FSD1: variants seen among roughly 807,000 people sequenced by gnomAD.
FSD1 encodes the protein fibronectin type III and SPRY domain containing 1.
Under a neutral mutation model 58.2 loss-of-function variants are expected in FSD1, and 23 were observed. The observed-to-expected ratio is 0.40, with a 90% CI of 0.28 to 0.56. FSD1 has a LOEUF of 0.56. FSD1 is among the 20% of genes least tolerant of loss of function. The probability of loss-of-function intolerance (pLI) is 0.54; values close to 1 mark genes in which losing one functional copy is unlikely to be tolerated. For missense variants in FSD1, 563 were observed against 670.8 expected, an observed-to-expected ratio of 0.84 and a Z score of 1.78; for synonymous variants, 265 against 263.4, an observed-to-expected ratio of 1.01 and a Z score of -0.06.
At chr19:4,320,005 G>A (rs1971796812) in intron 10 of FSD1, among the ~76,000 whole-genome samples, 1 of 152,134 alleles carries the variant, frequency 6.6e-6, no homozygotes, top group African/African-American at 2.4e-5. Flanking sequence ...TCTCAACTCT[G>A]GAGAGAATCT....
intron 1 of FSD1, 36 bp downstream of exon 1, chr19:4,304,797 C>T: frequency 4.4e-6 from 1 of 229,324 alleles, no homozygotes; most frequent in Non-Finnish European, 8.0e-6. Flanking sequence ...CCCGCAGGGG[C>T]GTCGGGGGCG....
rs141304180 is a variant in FSD1 at position 4,323,316 on chromosome 19, G to A, written c.1292-32G>A. On this transcript the variant is annotated intron_variant, in intron 11 of 12. Transcript: ENST00000221856. This position sits in a 1 kb window ranked among gnomAD's most constrained non-coding sequence, Gnocchi z 7.7. The stretch of plus-strand genomic sequence containing the variant: ...GTCTGCCCCCATCCCACTTCTGACC[G>A]GTCCCACTGTCACTCTGCCCCCCGA... 8.7e-6 allele frequency: 14 copies of A among 1,609,504 alleles called. No homozygotes were observed. In the East Asian group the frequency reaches 8.9e-5, roughly 10 times the overall value.
chr19:4,307,511 G>A (rs1971635472), intron 3 of FSD1, among the ~76,000 whole-genome samples: 1 of 152,114 alleles, frequency 6.6e-6, no homozygotes, highest in Admixed American at 6.6e-5. Context: ...GGGATTAGAG[G>A]TGCCCACCAC....
chr19:4,308,086 G>C, intron 4 of FSD1, 103 bp downstream of exon 4: 2 of 877,790 alleles, frequency 2.3e-6, no homozygotes, highest in Non-Finnish European at 3.6e-6. Flanking sequence ...CCACCCATGC[G>C]ATAGTTGGCA....
rs1971782992 is a variant in FSD1, at chr19:4,318,777, C to G, written c.960-95C>G. The G allele has an allele frequency of 3.0e-6, 3 of 997,092 alleles. No homozygotes were observed. In the Admixed American group the frequency reaches 5.2e-5, roughly 17 times the overall value. 61.8% of individuals were successfully genotyped at this position (997,092 alleles called of 1,614,324 possible). A position where few individuals can be genotyped will look rare whatever the true frequency, so the allele number is the denominator to read the frequency against. On this transcript the variant is annotated intron_variant, in intron 9 of 12. Coordinates refer to ENST00000221856, the MANE Select transcript of FSD1 (RefSeq NM_024333.3). Reference sequence around the variant, plus strand: ...ATACTGCCAGAGATTGACCCAACATCCACGGTGGCTGGGGTGGACTAGGGT... The same window carrying G: ...ATACTGCCAGAGATTGACCCAACATGCACGGTGGCTGGGGTGGACTAGGGT...
Position 4,323,062 on chromosome 19 carries a change from C to CGTG in FSD1, c.1118_1120dup (p.Val373dup). 1 of 1,611,416 alleles carries CGTG rather than the reference C, an allele frequency of 6.2e-7. No individual in the cohort carries two copies. ...CGGACAGCAAGGCGTTCGGCGTGGG[C>CGTG]GTGGCCTACCGCAGCCTGGGCCGCT... On this transcript the variant is annotated inframe_insertion, in exon 11 of 13. Coordinates refer to ENST00000221856, the MANE Select transcript of FSD1 (RefSeq NM_024333.3). The surrounding 1 kb of genome is among the most constrained non-coding windows in gnomAD (Gnocchi z 7.7).
At chr19:4,319,641 G>T (rs903481095) in intron 10 of FSD1, among the ~76,000 whole-genome samples, 1 of 152,114 alleles carries the variant, frequency 6.6e-6, no homozygotes, top group Admixed American at 6.6e-5. Flanking sequence ...GTTCTATGGG[G>T]ATCTAAATTT....
intron 6 of FSD1, chr19:4,310,852 G>A (rs1185940276): frequency 7.0e-6 from 3 of 427,654 alleles, no homozygotes; most frequent in African/African-American, 6.0e-5. Context: ...GGGTGGAACT[G>A]TGAGAATACC....
In FSD1 at chr19:4,306,205, C is replaced by A. The variant is rs1189253379; in HGVS notation, c.119C>A (p.Ser40Ter). ...CTGGCTGTTCCGACCCAGGCGAACT[C>A]GGCGAAGGTGCAGGAGGACCTCGAA... Reference protein sequence around the residue: ...KQMLLNVEANSAKVQEDLEAE... With the variant: ...KQMLLNVEAN Residue 40 changes from serine to a stop codon, truncating the protein, a stop_gained, in exon 3 of 13, where the codon TCG becomes TAG. Coordinates refer to ENST00000221856, the MANE Select transcript of FSD1 (RefSeq NM_024333.3). LOFTEE classifies it high-confidence loss of function. 1.2e-6 allele frequency: 2 copies of A among 1,613,774 alleles called. No individual in the cohort carries two copies. Among genetic ancestry groups the A allele is most frequent in the African/African-American group, 2.7e-5 (2 of 74,866 alleles).
intron 1 of FSD1, among the ~76,000 whole-genome samples, chr19:4,305,229 C>T (rs1971605052): frequency 6.6e-6 from 1 of 150,610 alleles, no homozygotes; most frequent in South Asian, 2.1e-4. Context: ...CCAAGACCTC[C>T]CTGCCCCCTC....
rs927417778 is a variant in FSD1 at position 4,323,791 on chromosome 19, C to T, written c.*148C>T. The T allele has an allele frequency of 1.1e-5, 7 of 635,964 alleles. No individual in the cohort carries two copies. The highest frequency in any genetic ancestry group is 9.7e-5 in the South Asian group (5 of 51,626). The allele number at this position is 635,964 out of a possible 1,614,324, so 39.4% of individuals were successfully genotyped here. A position where few individuals can be genotyped will look rare whatever the true frequency, so the allele number is the denominator to read the frequency against. Reference sequence around the variant, plus strand: ...CACCAAGAGGGAGTGGGCACCCTGGCGGGCCCTCTCCCCACCTCACCTCTT... The same window carrying T: ...CACCAAGAGGGAGTGGGCACCCTGGTGGGCCCTCTCCCCACCTCACCTCTT... On this transcript the variant is annotated 3_prime_UTR_variant, in exon 13 of 13. Coordinates refer to ENST00000221856, the MANE Select transcript of FSD1 (RefSeq NM_024333.3). This position sits in a 1 kb window ranked among gnomAD's most constrained non-coding sequence, Gnocchi z 7.7.
chr19:4,316,648 C>T (rs1599539624), intron 7 of FSD1, among the ~76,000 whole-genome samples: 1 of 152,248 alleles, frequency 6.6e-6, no homozygotes, highest in African/African-American at 2.4e-5. Flanking sequence ...TTAAAGCATC[C>T]TGATTGGTCT....
chr19:4,318,758 C>T, intron 9 of FSD1, 114 bp from the exon 10 acceptor site: 2 of 879,728 alleles, frequency 2.3e-6, no homozygotes, highest in Non-Finnish European at 3.8e-6. Context: ...CCAAATACTG[C>T]CAGAGATTGA....
chr19:4,307,583 A>G lies in FSD1; in HGVS notation c.244-299A>G, dbSNP rs1318878474. Among the ~76,000 whole-genome samples the G allele has an allele frequency of 2.6e-5, 4 of 151,854 alleles. No homozygotes were observed. The South Asian group carries it at 8.3e-4, about 32-fold the overall frequency. ...AGGGTTTCACTGTGTTGGCCAGGCT[A>G]GTCTTGAACTCCTGACCTCAGGTGA... is the stretch of plus-strand genomic sequence containing the variant. On this transcript the variant is annotated intron_variant, in intron 3 of 12. Coordinates refer to ENST00000221856, the MANE Select transcript of FSD1 (RefSeq NM_024333.3).
At chr19:4,310,620 G>T in intron 6 of FSD1, 24 bp downstream of exon 6, 1 of 1,605,038 alleles carries the variant, frequency 6.2e-7, no homozygotes, top group East Asian at 2.2e-5. Flanking sequence ...GCACTAGAGG[G>T]CCAGGACTTC....
chr19:4,317,377 G>A (rs1161279350), intron 8 of FSD1, 97 bp downstream of exon 8: 8 of 771,604 alleles, frequency 1.0e-5, no homozygotes, highest in Non-Finnish European at 1.6e-5. Context: ...GGGTTGCCCT[G>A]GCTGCCAGGA....
In FSD1 at chr19:4,311,938, A is replaced by C; in HGVS notation, c.587A>C (p.Asp196Ala). The C allele has an allele frequency of 6.2e-7, 1 of 1,613,796 alleles. No individual in the cohort carries two copies. Among genetic ancestry groups the C allele is most frequent in the Non-Finnish European group, 8.5e-7 (1 of 1,179,992 alleles). The change falls in exon 7 of 13, where the codon GAC (aspartate) becomes GCC (alanine). Residue 196 changes from aspartate (D) to alanine (A), a missense_variant. Coordinates refer to ENST00000221856, the MANE Select transcript of FSD1 (RefSeq NM_024333.3). Reference sequence around the variant, plus strand: ...ATGCCGGATGAGGACAGCAAGATTGACCACTACGTGCTGGAGTACCGGCGG... The same window carrying C: ...ATGCCGGATGAGGACAGCAAGATTGCCCACTACGTGCTGGAGTACCGGCGG... ...WRMPDEDSKI[D>A]HYVLEYRRTN...
chr19:4,304,636 G>A lies in FSD1; in HGVS notation c.-111G>A, dbSNP rs1438148639. 1.7e-6 allele frequency: 1 copy of A among 590,724 alleles called. No homozygotes were observed. Among genetic ancestry groups the A allele is most frequent in the Non-Finnish European group, 2.5e-6 (1 of 405,730 alleles). 36.6% of individuals were successfully genotyped at this position (590,724 alleles called of 1,614,324 possible). Reference sequence around the variant, plus strand: ...TGATGGAGCGCTAACCGGGGGCGCGGCGGCGGCGAGGGCTCGGCGGGCCAT... The same window carrying A: ...TGATGGAGCGCTAACCGGGGGCGCGACGGCGGCGAGGGCTCGGCGGGCCAT... On this transcript the variant is annotated 5_prime_UTR_variant, in exon 1 of 13. Transcript: ENST00000221856.
intron 4 of FSD1, among the ~76,000 whole-genome samples, chr19:4,308,259 T>G (rs772548038): frequency 4.6e-5 from 7 of 151,570 alleles, no homozygotes; most frequent in Non-Finnish European, 7.4e-5. Flanking sequence ...AATACAAACA[T>G]TAGCTGGATG....
Sources: gnomAD v4.1 joint callset for allele counts (sites outside exome capture counted in the v4.1 genomes callset) on GRCh38, gnomAD v4.1.1 for gene constraint, Gnocchi (gnomAD v3.1) non-coding constraint, MANE v1.5 for transcripts, NCBI Gene and HGNC (gene_info 2026-07-23, HGNC 2026-07-21) for gene names.